The following GPC5 variants were observed in gnomAD, a reference collection of about 807,000 sequenced individuals.
GPC5 encodes glypican-5.
GPC5 carries 47 observed loss-of-function variants against 53.9 expected under a neutral mutation model. The observed-to-expected ratio is 0.87, with a 90% CI of 0.69 to 1.11. The LOEUF (loss-of-function observed/expected upper bound fraction) is 1.11. Among genes scored for constraint, GPC5 ranks in the 50% most tolerant of loss-of-function variants. The pLI, the probability that GPC5 is intolerant of heterozygous loss-of-function variation, is 0.00. For synonymous variants in GPC5, 286 were observed against 263.3 expected, an observed-to-expected ratio of 1.09 and a Z score of -0.84; for missense variants, 748 against 713.1, an observed-to-expected ratio of 1.05 and a Z score of -0.56.
chr13:92,607,881 C>A (rs1566317105), intron 7 of GPC5, among the ~76,000 whole-genome samples: 1 of 152,130 alleles, frequency 6.6e-6, no homozygotes, highest in Non-Finnish European at 1.5e-5. Flanking sequence ...TCTCTTCCAC[C>A]TCTGCCTGCC....
intron 6 of GPC5, among the ~76,000 whole-genome samples, chr13:92,085,420 C>T (rs2041327827): frequency 6.6e-6 from 1 of 152,102 alleles, no homozygotes; most frequent in South Asian, 2.1e-4. Flanking sequence ...CTGTTTGAAA[C>T]ATTTAGTCCT....
At chr13:91,851,572 C>A (rs983386329) in intron 5 of GPC5, among the ~76,000 whole-genome samples, 3 of 150,716 alleles carry the variant, frequency 2.0e-5, no homozygotes, top group Non-Finnish European at 4.4e-5. Flanking sequence ...CATATGTATA[C>A]ATGTGCCATG....
chr13:92,652,345 G>T (rs1189609446), intron 7 of GPC5, among the ~76,000 whole-genome samples: 1 of 152,012 alleles, frequency 6.6e-6, no homozygotes, highest in Non-Finnish European at 1.5e-5. Flanking sequence ...GTTTCTCTCA[G>T]GTTAAAGAGG....
At chr13:91,572,747 A>G (rs963336804) in intron 2 of GPC5, among the ~76,000 whole-genome samples, 8 of 152,138 alleles carry the variant, frequency 5.3e-5, no homozygotes, top group African/African-American at 1.9e-4. Context: ...TGGAGTGGAC[A>G]AACCTTCAAA....
At chr13:91,653,911 T>C (rs1234947646) in intron 2 of GPC5, among the ~76,000 whole-genome samples, 1 of 152,090 alleles carries the variant, frequency 6.6e-6, no homozygotes, top group Non-Finnish European at 1.5e-5. Flanking sequence ...AGTGAACATA[T>C]CCATTCAAAA....
intron 2 of GPC5, among the ~76,000 whole-genome samples, chr13:91,451,635 C>T (rs79299133): frequency 3.3e-5 from 5 of 151,384 alleles, no homozygotes; most frequent in African/African-American, 7.3e-5. Flanking sequence ...TTTTTTTCCC[C>T]GAGGTGGAGT....
At chr13:92,373,830 T>C (rs1200428593) in intron 7 of GPC5, among the ~76,000 whole-genome samples, 1 of 152,234 alleles carries the variant, frequency 6.6e-6, no homozygotes, top group East Asian at 1.9e-4. Flanking sequence ...GCCACAACTA[T>C]CCAAGGTCAC....
rs761376470 is a variant in GPC5 at position 91,448,887 on chromosome 13, A to G, written c.290A>G (p.Lys97Arg). 5.0e-6 allele frequency: 8 copies of G among 1,613,308 alleles called. No individual in the cohort carries two copies. The highest frequency in any genetic ancestry group is 6.8e-6 in the Non-Finnish European group (8 of 1,179,680). Residue 97 changes from lysine (K) to arginine (R), a missense_variant, in exon 2 of 8, where the codon AAG (lysine) becomes AGG (arginine). Physicochemically the swap from Lys to Arg is conservative, Grantham distance 26 (BLOSUM62 2). Transcript: ENST00000377067. ...CTTCAAACGTCCAGCTCTACATTAAAGTTTCTAATATCTCGAAATGCGGCT... is the reference window on the plus strand; with the variant it reads ...CTTCAAACGTCCAGCTCTACATTAAGGTTTCTAATATCTCGAAATGCGGCT... The part of the protein sequence containing the change: ...QFLQTSSSTL[K>R]FLISRNAAAF...
intron 7 of GPC5, among the ~76,000 whole-genome samples, chr13:92,342,247 T>A (rs1369527615): frequency 6.6e-6 from 1 of 152,106 alleles, no homozygotes; most frequent in Non-Finnish European, 1.5e-5. Flanking sequence ...TTTTTAATCT[T>A]CACTCTACCT....
chr13:91,806,620 G>A (rs1436768760), intron 5 of GPC5, among the ~76,000 whole-genome samples: 1 of 152,042 alleles, frequency 6.6e-6, no homozygotes. Flanking sequence ...CAATTTACAG[G>A]ACAGGAAATA....
chr13:91,797,819 G>A (rs763985539), intron 5 of GPC5, among the ~76,000 whole-genome samples: 13 of 152,160 alleles, frequency 8.5e-5, no homozygotes, highest in Admixed American at 2.0e-4. Context: ...TCGCTGGCCC[G>A]GTGGTCTTGT....
intron 7 of GPC5, among the ~76,000 whole-genome samples, chr13:92,700,090 T>A (rs1887679822): frequency 6.6e-6 from 1 of 152,132 alleles, no homozygotes; most frequent in Admixed American, 6.5e-5. Context: ...TCTAAGAACT[T>A]GCTTTATGAA....
intron 2 of GPC5, among the ~76,000 whole-genome samples, chr13:91,611,526 A>G (rs943905986): frequency 1.3e-5 from 2 of 152,210 alleles, no homozygotes; most frequent in Non-Finnish European, 2.9e-5. Flanking sequence ...TTAGTTCATC[A>G]GAAAGTCAGC....
intron 7 of GPC5, among the ~76,000 whole-genome samples, chr13:92,455,366 A>G (rs1447117736): frequency 2.0e-5 from 3 of 152,234 alleles, no homozygotes; most frequent in East Asian, 1.9e-4. Flanking sequence ...AATACATTGT[A>G]TATATTTTAT....
At chr13:91,511,360 G>C (rs1309940678) in intron 2 of GPC5, among the ~76,000 whole-genome samples, 1 of 151,816 alleles carries the variant, frequency 6.6e-6, no homozygotes, top group Non-Finnish European at 1.5e-5. Flanking sequence ...TCCATTATTT[G>C]GCTTCTCTTA....
chr13:92,208,665 G>A (rs2042354354), intron 7 of GPC5, among the ~76,000 whole-genome samples: 1 of 152,096 alleles, frequency 6.6e-6, no homozygotes, highest in South Asian at 2.1e-4. Context: ...GAAATAAAGA[G>A]GAATTTTTCA....
intron 1 of GPC5, among the ~76,000 whole-genome samples, chr13:91,436,560 T>C (rs1879985537): frequency 6.6e-6 from 1 of 152,238 alleles, no homozygotes; most frequent in Admixed American, 6.5e-5. Context: ...GACAGTTTGT[T>C]ATAATTTCTG....
intron 7 of GPC5, among the ~76,000 whole-genome samples, chr13:92,391,632 A>C (rs1157085535): frequency 6.6e-6 from 1 of 152,164 alleles, no homozygotes; most frequent in Non-Finnish European, 1.5e-5. Flanking sequence ...GATGATATCC[A>C]TCTTCTGGAT....
At chr13:92,388,731 A>G (rs1184743691) in intron 7 of GPC5, among the ~76,000 whole-genome samples, 2 of 152,134 alleles carry the variant, frequency 1.3e-5, no homozygotes, top group Non-Finnish European at 2.9e-5. Context: ...ATCAGCAAGC[A>G]AAAGTAATAT....
Sources: gnomAD v4.1 joint callset for allele counts (sites outside exome capture counted in the v4.1 genomes callset) on GRCh38, gnomAD v4.1.1 for gene constraint, MANE v1.5 for transcripts, NCBI Gene and HGNC (gene_info 2026-07-23, HGNC 2026-07-21) for gene names.